FASN: variants seen among roughly 807,000 people sequenced by gnomAD.
The protein encoded by FASN is 3-hydroxyacyl-[acyl-carrier-protein] dehydratase.
FASN carries 50 observed loss-of-function variants against 250.0 expected under a neutral mutation model. The observed-to-expected ratio is 0.20, with a 90% CI of 0.16 to 0.25. FASN has a LOEUF of 0.25. Ranked by LOEUF, FASN falls within the 10% of genes least tolerant of loss-of-function variation. The pLI is 1.00. For synonymous variants in FASN, 1,909 were observed against 1,584.0 expected (o/e 1.21, Z -4.87); for missense variants, 3,031 against 3,498.5 (o/e 0.87, Z 3.37).
chr17:82,085,216 T>C (rs2034070839), intron 24 of FASN, 22 bp downstream of exon 24: 1 of 1,610,978 alleles, frequency 6.2e-7, no homozygotes. Context: ...GGGTGGGGCC[T>C]GGAGGTGGGG....
Position 82,084,496 on chromosome 17 carries a change from C to A in FASN, c.4768+17G>T. The A allele has an allele frequency of 3.7e-6, 6 of 1,601,000 alleles. No individual in the cohort carries two copies. Among genetic ancestry groups the A allele is most frequent in the Non-Finnish European group, 5.1e-6 (6 of 1,174,698 alleles). On this transcript the variant is annotated intron_variant, in intron 27 of 42. Coordinates refer to ENST00000306749, the MANE Select transcript of FASN (RefSeq NM_004104.5). ...TCCCCGGCCCAGTCCACTCCCACGG[C>A]CCCATGCCACCCATACCTGGGATGG...
rs2033989325 is a variant in FASN at position 82,081,653 on chromosome 17, A to G, written c.6354T>C (p.Tyr2118=). ...SFVLAEKAAA[Y]RDRDSQRDLV... ...GGTCCCGCTGGCTGTCCCTGTCCCT[A>G]TAGGCCGCAGCCTTCTCAGCCAGCA... Residue 2118 remains tyrosine, a synonymous_variant, in exon 37 of 43, where the codon TAT becomes TAC. Coordinates refer to ENST00000306749, the MANE Select transcript of FASN (RefSeq NM_004104.5). 1 of 1,612,736 alleles carries G rather than the reference A, an allele frequency of 6.2e-7. No homozygotes were observed. Among genetic ancestry groups the G allele is most frequent in the South Asian group, 1.1e-5 (1 of 91,082 alleles).
intron 32 of FASN, 42 bp downstream of exon 32, chr17:82,083,160 C>T (rs1173161554): frequency 6.2e-7 from 1 of 1,611,150 alleles, no homozygotes; most frequent in Admixed American, 1.7e-5. Flanking sequence ...GCCTGGGGAC[C>T]AGAGCCTGGG....
chr17:82,079,763 A>G, intron 41 of FASN, 155 bp from the exon 42 acceptor site: 12 of 1,063,476 alleles, frequency 1.1e-5, no homozygotes, highest in Non-Finnish European at 1.6e-5. Flanking sequence ...CGCAACCTCC[A>G]CCTACCCGGT....
In FASN at chr17:82,078,969, C is replaced by T. The variant is rs867883494; in HGVS notation, c.*174G>A. Reference sequence around the variant, plus strand: ...GGTGTCCCCGAGGTGCCGTGGGAGGCGGCGGGTGGGTGGGACATGCCTAAC... The same window carrying T: ...GGTGTCCCCGAGGTGCCGTGGGAGGTGGCGGGTGGGTGGGACATGCCTAAC... On this transcript the variant is annotated 3_prime_UTR_variant, in exon 43 of 43. Transcript: ENST00000306749. This position sits in a 1 kb window ranked among gnomAD's most constrained non-coding sequence, Gnocchi z 5.4. The T allele has an allele frequency of 4.0e-4, 300 of 752,842 alleles. 1 individual carries two copies. The Middle Eastern group carries it at 9.0e-3, about 23-fold the overall frequency. 46.6% of individuals were successfully genotyped at this position (752,842 alleles called of 1,614,324 possible). A position where few individuals can be genotyped will look rare whatever the true frequency, so the allele number is the denominator to read the frequency against.
Position 82,078,971 on chromosome 17 carries a change from G to C in FASN, c.*172C>G. On this transcript the variant is annotated 3_prime_UTR_variant, in exon 43 of 43. Transcript: ENST00000306749. The surrounding 1 kb of genome is among the most constrained non-coding windows in gnomAD (Gnocchi z 5.4). ...TGTCCCCGAGGTGCCGTGGGAGGCG[G>C]CGGGTGGGTGGGACATGCCTAACAC... The C allele has an allele frequency of 1.3e-6, 1 of 784,828 alleles. No individual in the cohort carries two copies. The allele number at this position is 784,828 out of a possible 1,614,324, so 48.6% of individuals were successfully genotyped here.
chr17:82,079,494 G>T lies in FASN; in HGVS notation c.7261C>A (p.Arg2421=). Residue 2421 remains arginine (R), a synonymous_variant, in exon 42 of 43, where the codon CGG becomes AGG. Coordinates refer to ENST00000306749, the MANE Select transcript of FASN (RefSeq NM_004104.5). ...GCACGCAGCTTGTAGTAGAAGGACC[G>T]GGCCGCAAAGCTCAGCTCCTGGCGG... The part of the protein sequence containing the change: ...LDRQELSFAA[R]SFYYKLRAAE... 6.2e-7 allele frequency: 1 copy of T among 1,612,578 alleles called. No homozygotes were observed. The highest frequency in any genetic ancestry group is 8.5e-7 in the Non-Finnish European group (1 of 1,179,970).
rs763633065 is a variant in FASN at position 82,081,584 on chromosome 17, C to T, written c.6406+17G>A. 3 of 1,611,608 alleles carry T rather than the reference C, an allele frequency of 1.9e-6. No homozygotes were observed. Among genetic ancestry groups the T allele is most frequent in the Admixed American group, 3.3e-5 (2 of 60,002 alleles). Reference sequence around the variant, plus strand: ...GCAGGGGAAACACCTGGCGCGGCTCCTACTGGGAGTGCTCACCCAGGATGT... The same window carrying T: ...GCAGGGGAAACACCTGGCGCGGCTCTTACTGGGAGTGCTCACCCAGGATGT... On this transcript the variant is annotated intron_variant, in intron 37 of 42. Coordinates refer to ENST00000306749, the MANE Select transcript of FASN (RefSeq NM_004104.5).
intron 16 of FASN, 41 bp downstream of exon 16, chr17:82,088,349 G>T (rs746360443): frequency 8.7e-6 from 14 of 1,610,654 alleles, no homozygotes; most frequent in Non-Finnish European, 1.2e-5. Flanking sequence ...GGGCGTCTGT[G>T]GGGAGGGAAG....
rs140072817 is a variant in FASN at position 82,082,905 on chromosome 17, C to A, written c.5767+9G>T. The A allele has an allele frequency of 4.3e-6, 7 of 1,612,530 alleles. No homozygotes were observed. Among genetic ancestry groups the A allele is most frequent in the South Asian group, 3.3e-5 (3 of 91,060 alleles). On this transcript the variant is annotated intron_variant, in intron 33 of 42. Coordinates refer to ENST00000306749, the MANE Select transcript of FASN (RefSeq NM_004104.5). ...CCAGGCTGGTCCACAAGCACCCCTG[C>A]CGACTCACCTGTCCGGATCCCGGAG...
In FASN at chr17:82,083,965, G is replaced by A. The variant is rs760075562; in HGVS notation, c.5098+10C>T. On this transcript the variant is annotated intron_variant, in intron 29 of 42. Coordinates refer to ENST00000306749, the MANE Select transcript of FASN (RefSeq NM_004104.5). The stretch of plus-strand genomic sequence containing the variant: ...GAGGGCAGCGGGAGGCACCGGGGGC[G>A]GGGCCTTACCCACGGTGGTGAAGAC... 26 of 1,542,486 alleles carry A rather than the reference G, an allele frequency of 1.7e-5. No individual in the cohort carries two copies. Among genetic ancestry groups the A allele is most frequent in the South Asian group, 1.2e-4 (10 of 84,008 alleles).
At position 82,091,643 on chromosome 17, in the gene FASN, C is replaced by A. The variant is rs1338640050; in HGVS notation, c.1071G>T (p.Leu357=). The part of the protein sequence containing the change: ...SLEHGLWAPN[L]HFHSPNPEIP... ...TCTCAGGGTTGGGGCTATGGAAGTGCAGGTTGGGGGCCCAGAGCCCGTGCT... is the reference window on the plus strand; with the variant it reads ...TCTCAGGGTTGGGGCTATGGAAGTGAAGGTTGGGGGCCCAGAGCCCGTGCT... The change falls in exon 9 of 43, where the codon CTG becomes CTT. Residue 357 remains leucine, a synonymous_variant. Coordinates refer to ENST00000306749, the MANE Select transcript of FASN (RefSeq NM_004104.5). 1 of 1,596,420 alleles carries A rather than the reference C, an allele frequency of 6.3e-7. No individual in the cohort carries two copies. Among genetic ancestry groups the A allele is most frequent in the Non-Finnish European group, 8.5e-7 (1 of 1,173,142 alleles).
chr17:82,084,820 G>A lies in FASN; in HGVS notation c.4543C>T (p.Arg1515Cys), dbSNP rs1310008597. The A allele has an allele frequency of 6.5e-7, 1 of 1,550,250 alleles. No homozygotes were observed. The highest frequency in any genetic ancestry group is 8.7e-7 in the Non-Finnish European group (1 of 1,146,986). Residue 1515 changes from arginine to cysteine, a missense_variant, in exon 26 of 43, where the codon CGC (arginine) becomes TGC (cysteine). By Grantham distance (180) the Arg-to-Cys change is radical (BLOSUM62 -3). Transcript: ENST00000306749. Reference protein sequence around the residue: ...VYRDGAWGAFRHFLLEEDKPE... With the variant: ...VYRDGAWGAFCHFLLEEDKPE... The stretch of plus-strand genomic sequence containing the variant: ...TCACCCTCCTCCAGCAGGAAGTGGC[G>A]GAAAGCCCCCCAGGCCCCGTCGCGG...
chr17:82,089,516 C>A, intron 12 of FASN, 116 bp downstream of exon 12: 1 of 1,561,016 alleles, frequency 6.4e-7, no homozygotes, highest in Non-Finnish European at 8.7e-7. Context: ...CAAACCTGCC[C>A]CATGCCCCAG....
chr17:82,092,979 CA>C lies in FASN; in HGVS notation c.695del (p.Leu232ArgfsTer2). The C allele has an allele frequency of 6.2e-7, 1 of 1,612,194 alleles. No individual in the cohort carries two copies. The highest frequency in any genetic ancestry group is 8.5e-7 in the Non-Finnish European group (1 of 1,179,808). ...YCRSEGVVAV[L>X]LTKKSLARRV... is the part of the protein sequence containing the mutation. ...GCCGGGCCAGGGACTTCTTGGTCAG[CA>C]GGACGGCCACCACACCCTCCGAGCG... On this transcript the variant is annotated frameshift_variant, in exon 6 of 43. Coordinates refer to ENST00000306749, the MANE Select transcript of FASN (RefSeq NM_004104.5). LOFTEE classifies it high-confidence loss of function.
intron 11 of FASN, 143 bp downstream of exon 11, chr17:82,090,232 G>T: frequency 5.1e-6 from 4 of 785,630 alleles, no homozygotes; most frequent in South Asian, 1.8e-5. Flanking sequence ...ACTCGCGCAC[G>T]GCTGTGTCCG....
intron 17 of FASN, 29 bp downstream of exon 17, chr17:82,088,087 C>T: frequency 1.9e-6 from 3 of 1,612,718 alleles, no homozygotes; most frequent in Non-Finnish European, 2.5e-6. Flanking sequence ...CCCCAGCTAC[C>T]CCCGCCTTGG....
chr17:82,082,243 C>G, intron 35 of FASN, 80 bp downstream of exon 35: 9 of 1,603,220 alleles, frequency 5.6e-6, no homozygotes, highest in East Asian at 4.5e-5. Context: ...CCAGAGAGGG[C>G]TGTCAACAAA....
Position 82,080,523 on chromosome 17 carries a change from G to A in FASN, c.6894C>T (p.Pro2298=), listed in dbSNP as rs765729117. ...YYIDCIRQVQ[P]EGPYRVAGYS... is the part of the protein sequence containing the mutation. The stretch of plus-strand genomic sequence containing the variant: ...AGCCGGCCACGCGGTAGGGGCCCTC[G>A]GGCTGCACCTGCCTGATGCAGTCGA... The change falls in exon 40 of 43, where the codon CCC becomes CCT. Residue 2298 remains proline, a synonymous_variant. Coordinates refer to ENST00000306749, the MANE Select transcript of FASN (RefSeq NM_004104.5). 8.1e-5 allele frequency: 127 copies of A among 1,561,536 alleles called. No individual in the cohort carries two copies. Among genetic ancestry groups the A allele is most frequent in the Admixed American group, 9.5e-5 (5 of 52,384 alleles).
Sources: gnomAD v4.1 joint callset for allele counts on GRCh38, gnomAD v4.1.1 for gene constraint, Gnocchi (gnomAD v3.1) non-coding constraint, MANE v1.5 for transcripts, NCBI Gene and HGNC (gene_info 2026-07-23, HGNC 2026-07-21) for gene names.